Variants in COL8A1 observed in about 807,000 individuals in gnomAD.
The protein encoded by COL8A1 is collagen alpha-1(VIII) chain.
A neutral mutation model predicts 42.7 loss-of-function variants in COL8A1; 21 were observed. That is an observed-to-expected ratio of 0.49 (90% CI 0.35 to 0.71). COL8A1 has a LOEUF of 0.71. COL8A1 is among the 30% of genes least tolerant of loss of function. The probability of loss-of-function intolerance (pLI) is 0.01; values close to 1 mark genes in which losing one functional copy is unlikely to be tolerated. For synonymous variants in COL8A1, 367 were observed against 369.1 expected (o/e 0.99, Z 0.06); for missense variants, 788 against 962.4 (o/e 0.82, Z 2.40).
intron 2 of COL8A1, among the ~76,000 whole-genome samples, chr3:99,775,931 A>T (rs1212294100): frequency 6.6e-6 from 1 of 152,156 alleles, no homozygotes; most frequent in Non-Finnish European, 1.5e-5. Context: ...AGGCACTACC[A>T]TCTAGTGGAC....
At chr3:99,706,691 A>G (rs1226931550) in intron 1 of COL8A1, among the ~76,000 whole-genome samples, 3 of 152,240 alleles carry the variant, frequency 2.0e-5, no homozygotes, top group Non-Finnish European at 4.4e-5. Context: ...ACATCAATTC[A>G]GTCATCTTGA....
intron 1 of COL8A1, among the ~76,000 whole-genome samples, chr3:99,734,066 T>G (rs1940618732): frequency 6.6e-6 from 1 of 152,200 alleles, no homozygotes; most frequent in Non-Finnish European, 1.5e-5. Context: ...GTCACATGAG[T>G]AGGTTGTGAA....
At chr3:99,764,548 C>T (rs1941422987) in intron 2 of COL8A1, among the ~76,000 whole-genome samples, 1 of 152,092 alleles carries the variant, frequency 6.6e-6, no homozygotes, top group South Asian at 2.1e-4. Context: ...AGGTAGATTC[C>T]CTGAGCTCAA....
At chr3:99,669,144 TATAGAGGGAGAG>T (rs1435903136) in intron 1 of COL8A1, among the ~76,000 whole-genome samples, 10 of 100,020 alleles carry the variant, frequency 1.0e-4, no homozygotes, top group African/African-American at 3.3e-4. Context: ...TATATATATA[TATAGAGGGAGAG>T]AGAGAGAGAG....
chr3:99,662,403 T>C (rs1380164289), intron 1 of COL8A1, among the ~76,000 whole-genome samples: 2 of 147,360 alleles, frequency 1.4e-5, no homozygotes, highest in African/African-American at 5.0e-5. Context: ...AAAAATACAA[T>C]AATGTTGTTA....
intron 1 of COL8A1, among the ~76,000 whole-genome samples, chr3:99,733,613 G>C (rs1940597204): frequency 6.6e-6 from 1 of 152,046 alleles, no homozygotes; most frequent in African/African-American, 2.4e-5. Context: ...AAACATACGT[G>C]TGTATGTGTC....
At chr3:99,676,054 C>T (rs1435975570) in intron 1 of COL8A1, among the ~76,000 whole-genome samples, 1 of 151,936 alleles carries the variant, frequency 6.6e-6, no homozygotes, top group African/African-American at 2.4e-5. Context: ...TTAAAAAGAC[C>T]ATTAAGCTAT....
Position 99,709,980 on chromosome 3 carries a change from G to A in COL8A1, c.-128-34917G>A, listed in dbSNP as rs746418708. On this transcript the variant is annotated intron_variant, in intron 1 of 3. Coordinates refer to ENST00000652472, the MANE Select transcript of COL8A1 (RefSeq NM_020351.4). ...CTATTTATTTTGTTGGAGGGGACAG[G>A]GGAATCTCAGAATTATACTTGCTAT... Among the ~76,000 whole-genome samples, 13 of 152,068 alleles carry A rather than the reference G, an allele frequency of 8.5e-5. 1 individual carries two copies. Among genetic ancestry groups the A allele is most frequent in the Non-Finnish European group, 1.5e-5 (1 of 67,990 alleles).
At chr3:99,725,867 A>G (rs565207663) in intron 1 of COL8A1, among the ~76,000 whole-genome samples, 2 of 152,212 alleles carry the variant, frequency 1.3e-5, no homozygotes, top group South Asian at 2.1e-4. Context: ...TAGTGCCGCA[A>G]TAAACATACG....
intron 1 of COL8A1, among the ~76,000 whole-genome samples, chr3:99,640,705 A>C (rs1937490843): frequency 6.6e-6 from 1 of 152,178 alleles, no homozygotes; most frequent in Non-Finnish European, 1.5e-5. Flanking sequence ...GTTTCCCAGG[A>C]GCAAAGCTAT....
intron 2 of COL8A1, among the ~76,000 whole-genome samples, chr3:99,764,608 A>T (rs1460490763): frequency 6.6e-6 from 1 of 152,150 alleles, no homozygotes; most frequent in Non-Finnish European, 1.5e-5. Context: ...ATGCTATTTA[A>T]AACCTCTGTG....
chr3:99,757,491 A>G (rs559351628), intron 2 of COL8A1, among the ~76,000 whole-genome samples: 2 of 152,314 alleles, frequency 1.3e-5, no homozygotes, highest in Admixed American at 6.5e-5. Flanking sequence ...ACAAATAACT[A>G]CATAATTGTC....
At chr3:99,759,810 C>T (rs1314696289) in intron 2 of COL8A1, among the ~76,000 whole-genome samples, 1 of 152,166 alleles carries the variant, frequency 6.6e-6, no homozygotes, top group Non-Finnish European at 1.5e-5. Flanking sequence ...GATTGTATTG[C>T]TTTGTGCCAA....
At position 99,795,590 on chromosome 3, in the gene COL8A1, C is replaced by G; in HGVS notation, c.1689C>G (p.Gly563=). The change falls in exon 4 of 4, where the codon GGC becomes GGG. Residue 563 remains glycine, a synonymous_variant. Transcript: ENST00000652472. The part of the protein sequence containing the change: ...QGQPGLPGPP[G]PPGPPGPPAV... Reference sequence around the variant, plus strand: ...AGCCTGGCCTTCCAGGACCCCCAGGCCCTCCAGGACCTCCAGGACCCCCAG... The same window carrying G: ...AGCCTGGCCTTCCAGGACCCCCAGGGCCTCCAGGACCTCCAGGACCCCCAG... 1 of 1,610,950 alleles carries G rather than the reference C, an allele frequency of 6.2e-7. No individual in the cohort carries two copies. Among genetic ancestry groups the G allele is most frequent in the Non-Finnish European group, 8.5e-7 (1 of 1,178,138 alleles).
intron 1 of COL8A1, among the ~76,000 whole-genome samples, chr3:99,693,438 G>T (rs957349896): frequency 6.6e-6 from 1 of 152,194 alleles, no homozygotes; most frequent in Non-Finnish European, 1.5e-5. Flanking sequence ...TTCTTCCAGT[G>T]GGACAAGATG....
chr3:99,766,399 T>C (rs866065524), intron 2 of COL8A1, among the ~76,000 whole-genome samples: 3 of 152,294 alleles, frequency 2.0e-5, no homozygotes, highest in Middle Eastern at 3.4e-3. Flanking sequence ...AAAGAAGAAC[T>C]GAGACTTAAC....
intron 1 of COL8A1, among the ~76,000 whole-genome samples, chr3:99,733,657 T>C (rs1247046374): frequency 1.3e-5 from 2 of 151,960 alleles, no homozygotes; most frequent in African/African-American, 4.8e-5. Flanking sequence ...CCTTTGGGTA[T>C]ATACCCAGTA....
chr3:99,742,433 C>T (rs1404586175), intron 1 of COL8A1, among the ~76,000 whole-genome samples: 1 of 152,160 alleles, frequency 6.6e-6, no homozygotes, highest in African/African-American at 2.4e-5. Flanking sequence ...TGCAATGGTG[C>T]TTGAATATTA....
chr3:99,750,407 T>C (rs1190317047), intron 2 of COL8A1, among the ~76,000 whole-genome samples: 1 of 152,046 alleles, frequency 6.6e-6, no homozygotes, highest in Non-Finnish European at 1.5e-5. Context: ...AAGAAAATAT[T>C]AATAGCCAAC....
Sources: gnomAD v4.1 joint callset for allele counts (sites outside exome capture counted in the v4.1 genomes callset) on GRCh38, gnomAD v4.1.1 for gene constraint, MANE v1.5 for transcripts, NCBI Gene and HGNC (gene_info 2026-07-23, HGNC 2026-07-21) for gene names.